Variants in TRPM7 observed in about 807,000 individuals in gnomAD.
TRPM7 encodes the protein LTRPC ion channel family member 7.
In TRPM7, 134 loss-of-function variants were observed where a neutral mutation model predicts 229.7. The ratio of observed to expected loss-of-function variants is 0.58; its 90% CI spans 0.51 to 0.67. The LOEUF is 0.67. Ranked by LOEUF, TRPM7 falls within the 30% of genes least tolerant of loss-of-function variation. TRPM7 has a pLI of 0.00. For missense variants in TRPM7, 1,901 were observed against 2,210.0 expected (o/e 0.86, Z 2.80); for synonymous variants, 699 against 715.2 (o/e 0.98, Z 0.36).
rs1003098996 is a variant in TRPM7, at chr15:50,628,211, A to G, written c.1243T>C (p.Leu415=). The change falls in exon 11 of 39, where the codon TTG becomes CTG. Residue 415 remains leucine (L), a synonymous_variant. Transcript: ENST00000646667. ...ASAFDQLILT[L]AWDRVDIAKN... Reference sequence around the variant, plus strand: ...GCAATGTCAACTCTATCCCATGCCAATGTAAGGATAAGCTGGTCAAATGCA... The same window carrying G: ...GCAATGTCAACTCTATCCCATGCCAGTGTAAGGATAAGCTGGTCAAATGCA... 1.2e-5 allele frequency: 19 copies of G among 1,613,446 alleles called. No homozygotes were observed. The highest frequency in any genetic ancestry group is 1.4e-5 in the Non-Finnish European group (16 of 1,179,934).
At chr15:50,597,373 G>A (rs147611498) in intron 22 of TRPM7, among the ~76,000 whole-genome samples, 28 of 152,314 alleles carry the variant, frequency 1.8e-4, no homozygotes, top group Admixed American at 5.9e-4. Flanking sequence ...TTAGCATTTA[G>A]TATTTGGTAA....
chr15:50,615,727 C>T (rs1236055333), intron 13 of TRPM7, among the ~76,000 whole-genome samples: 1 of 151,998 alleles, frequency 6.6e-6, no homozygotes, highest in East Asian at 1.9e-4. Context: ...GAATCCCCAT[C>T]TCTACTAAAA....
At chr15:50,632,735 A>AT (rs2060775471) in intron 9 of TRPM7, 134 bp downstream of exon 9, 1 of 872,336 alleles carries the variant, frequency 1.1e-6, no homozygotes, top group Non-Finnish European at 1.6e-6. Flanking sequence ...TAAATGACAT[A>AT]TTTTTATGGT....
intron 3 of TRPM7, among the ~76,000 whole-genome samples, chr15:50,652,087 C>G (rs2061435520): frequency 6.6e-6 from 1 of 151,574 alleles, no homozygotes; most frequent in Non-Finnish European, 1.5e-5. Flanking sequence ...AATCCCAGCA[C>G]TTCAGGGGGC....
chr15:50,564,248 AAAAAT>A (rs58216853), intron 38 of TRPM7, among the ~76,000 whole-genome samples: 8,197 of 124,312 alleles, frequency 0.066, 468 homozygotes, highest in South Asian at 0.074. Flanking sequence ...GACTGTCTCA[AAAAAT>A]AAAATAAAAT....
At chr15:50,595,470 G>T (rs756253865) in intron 23 of TRPM7, among the ~76,000 whole-genome samples, 6 of 151,356 alleles carry the variant, frequency 4.0e-5, no homozygotes, top group Non-Finnish European at 5.9e-5. Context: ...CTATATCATG[G>T]AGTATCAGGT....
intron 1 of TRPM7, among the ~76,000 whole-genome samples, chr15:50,670,812 A>AG: frequency 8.0e-6 from 1 of 124,332 alleles, no homozygotes; most frequent in Non-Finnish European, 1.9e-5. Flanking sequence ...AAGAAAAAGA[A>AG]AAAAAAAAAA....
chr15:50,557,187 T>C lies in TRPM7; in HGVS notation c.*4491A>G, dbSNP rs1042401159. 2.0e-5 allele frequency: 3 copies of C among 152,216 alleles called. No homozygotes were observed. Among genetic ancestry groups the C allele is most frequent in the Non-Finnish European group, 4.4e-5 (3 of 68,038 alleles). 9.4% of individuals were successfully genotyped at this position (152,216 alleles called of 1,614,324 possible). A position where few individuals can be genotyped will look rare whatever the true frequency, so the allele number is the denominator to read the frequency against. The stretch of plus-strand genomic sequence containing the variant: ...AAGTGGTAAATAGCCATTTATTGAG[T>C]ATTCTTGCTTTGATTGTCTACGTAA... On this transcript the variant is annotated 3_prime_UTR_variant, in exon 39 of 39. Coordinates refer to ENST00000646667, the MANE Select transcript of TRPM7 (RefSeq NM_017672.6).
At chr15:50,678,474 T>G (rs1165284417) in intron 1 of TRPM7, among the ~76,000 whole-genome samples, 2 of 145,574 alleles carry the variant, frequency 1.4e-5, no homozygotes, top group Non-Finnish European at 3.0e-5. Flanking sequence ...TTTCTGACAC[T>G]CTTACAGACC....
At chr15:50,666,462 A>G (rs1231966029) in intron 1 of TRPM7, among the ~76,000 whole-genome samples, 7 of 151,698 alleles carry the variant, frequency 4.6e-5, no homozygotes, top group South Asian at 2.1e-4. Context: ...GGGAGAAAGA[A>G]GAGGAGGAAG....
intron 3 of TRPM7, among the ~76,000 whole-genome samples, chr15:50,652,634 C>T (rs1596310402): frequency 1.5e-5 from 2 of 131,150 alleles, no homozygotes; most frequent in African/African-American, 2.8e-5. Flanking sequence ...ATAAATTCTA[C>T]ATACGTTCTT....
rs753272483 is a variant in TRPM7 at position 50,575,048 on chromosome 15, C to G, written c.4823G>C (p.Cys1608Ser). The part of the protein sequence containing the change: ...SMSSWSQLGL[C>S]AKIEFLSKEE... ...TTTGCTTAAAAACTCTATTTTGGCA[C>G]AGAGGCCTAGTTGTGACCAAGAAGA... Residue 1608 changes from cysteine (C) to serine (S), a missense_variant, in exon 34 of 39, where the codon TGT (cysteine) becomes TCT (serine). Physicochemically the swap from Cys to Ser is moderately radical, Grantham distance 112. Coordinates refer to ENST00000646667, the MANE Select transcript of TRPM7 (RefSeq NM_017672.6). 1.9e-6 allele frequency: 3 copies of G among 1,614,130 alleles called. No homozygotes were observed. The South Asian group carries it at 3.3e-5, about 18-fold the overall frequency.
At chr15:50,656,927 C>T (rs1190263029) in intron 3 of TRPM7, among the ~76,000 whole-genome samples, 1 of 152,162 alleles carries the variant, frequency 6.6e-6, no homozygotes, top group Non-Finnish European at 1.5e-5. Flanking sequence ...TTGTCAAAAA[C>T]ATCTTACTTC....
intron 38 of TRPM7, among the ~76,000 whole-genome samples, chr15:50,567,180 A>C (rs1023128316): frequency 4.6e-5 from 7 of 151,992 alleles, no homozygotes; most frequent in African/African-American, 1.7e-4. Flanking sequence ...TTTTAAAATT[A>C]TTTTTTATTA....
At chr15:50,661,481 T>G (rs1310534786) in intron 2 of TRPM7, among the ~76,000 whole-genome samples, 1 of 152,242 alleles carries the variant, frequency 6.6e-6, no homozygotes, top group Admixed American at 6.5e-5. Context: ...GTTTTTTAAA[T>G]GTATCATATA....
chr15:50,629,821 T>A (rs1342194990), intron 10 of TRPM7, among the ~76,000 whole-genome samples: 1 of 151,296 alleles, frequency 6.6e-6, no homozygotes, highest in African/African-American at 2.4e-5. Flanking sequence ...GAAAAGTACA[T>A]GGTAAATAAT....
At chr15:50,613,920 T>C in intron 14 of TRPM7, 79 bp from the exon 15 acceptor site, 1 of 1,493,084 alleles carries the variant, frequency 6.7e-7, no homozygotes, top group Non-Finnish European at 9.1e-7. Context: ...AATTTATATA[T>C]GTGTGCAAAT....
At chr15:50,612,863 TA>T in intron 15 of TRPM7, 34 bp from the exon 16 acceptor site, 1 of 1,559,868 alleles carries the variant, frequency 6.4e-7, no homozygotes, top group Non-Finnish European at 8.6e-7. Flanking sequence ...AAGCTCATTA[TA>T]ATAAGGCCAT....
chr15:50,589,628 C>T lies in TRPM7; in HGVS notation c.4353G>A (p.Arg1451=), dbSNP rs779554246. The T allele has an allele frequency of 6.3e-7, 1 of 1,594,064 alleles. No individual in the cohort carries two copies. Among genetic ancestry groups the T allele is most frequent in the African/African-American group, 1.3e-5 (1 of 74,190 alleles). The change falls in exon 27 of 39, where the codon AGG becomes AGA. Residue 1451 remains arginine, a synonymous_variant. Transcript: ENST00000646667. Reference sequence around the variant, plus strand: ...TTATCTTGTTTGATGTTTCTTTAAACCTCTGTAAATCCATGCTATCTCTGT... The same window carrying T: ...TTATCTTGTTTGATGTTTCTTTAAATCTCTGTAAATCCATGCTATCTCTGT... ...VGHRDSMDLQ[R]FKETSNKIKI... is the part of the protein sequence containing the mutation.
Sources: allele counts gnomAD v4.1 joint callset (sites outside exome capture counted in the v4.1 genomes callset), GRCh38; gene constraint gnomAD v4.1.1; transcripts MANE v1.5; gene names NCBI Gene and HGNC (gene_info 2026-07-23, HGNC 2026-07-21).